Variants in TTLL5 observed in about 807,000 individuals in gnomAD.
The protein encoded by TTLL5 is tubulin polyglutamylase TTLL5.
In TTLL5, 132 loss-of-function variants were observed where a neutral mutation model predicts 168.4. The ratio of observed to expected loss-of-function variants is 0.78; its 90% CI spans 0.68 to 0.91. The LOEUF (loss-of-function observed/expected upper bound fraction) is 0.91. Ranked by LOEUF, TTLL5 falls within the 40% of genes least tolerant of loss-of-function variation. TTLL5 has a pLI of 0.00. For missense variants in TTLL5, 1,545 were observed against 1,581.5 expected (o/e 0.98, Z 0.39); for synonymous variants, 546 against 558.6 (o/e 0.98, Z 0.32).
chr14:75,724,370 A>G (rs1022527503), intron 12 of TTLL5, among the ~76,000 whole-genome samples: 1 of 152,190 alleles, frequency 6.6e-6, no homozygotes, highest in African/African-American at 2.4e-5. Flanking sequence ...GTGTATTACC[A>G]TCAAGTTTGT....
In TTLL5 at chr14:75,766,258, G is replaced by A. The variant is rs941035464; in HGVS notation, c.1905G>A (p.Met635Ile). Reference protein sequence around the residue: ...LVENTPKENSMKVREWNNKGG... With the variant: ...LVENTPKENSIKVREWNNKGG... ...AAAATACACCCAAAGAAAATTCCATGAAAGTTCGTGAATGGAATAATAAAG... is the reference window on the plus strand; with the variant it reads ...AAAATACACCCAAAGAAAATTCCATAAAAGTTCGTGAATGGAATAATAAAG... Residue 635 changes from methionine to isoleucine, a missense_variant, in exon 20 of 32, where the codon ATG becomes ATA. By Grantham distance (10) the Met-to-Ile change is conservative (BLOSUM62 1). Coordinates refer to ENST00000298832, the MANE Select transcript of TTLL5 (RefSeq NM_015072.5). 3.7e-6 allele frequency: 6 copies of A among 1,613,946 alleles called. No homozygotes were observed. In the African/African-American group the frequency reaches 6.7e-5, roughly 18 times the overall value.
At chr14:75,925,141 AC>A (rs1319339606) in intron 31 of TTLL5, among the ~76,000 whole-genome samples, 3 of 115,902 alleles carry the variant, frequency 2.6e-5, no homozygotes, top group African/African-American at 6.9e-5. Flanking sequence ...CGGGTGGCTG[AC>A]CCCCCCACCT....
At chr14:75,706,088 G>A (rs1886642430) in intron 7 of TTLL5, among the ~76,000 whole-genome samples, 2 of 152,086 alleles carry the variant, frequency 1.3e-5, no homozygotes, top group Admixed American at 6.5e-5. Context: ...ACTGGGCTTG[G>A]TGCGTGCCAT....
At chr14:75,863,423 A>G (rs1444966129) in intron 28 of TTLL5, among the ~76,000 whole-genome samples, 1 of 152,142 alleles carries the variant, frequency 6.6e-6, no homozygotes, top group African/African-American at 2.4e-5. Context: ...TTTATTGTAC[A>G]TTGACTGTGT....
chr14:75,840,476 G>C (rs1313632714), intron 28 of TTLL5, among the ~76,000 whole-genome samples: 1 of 151,706 alleles, frequency 6.6e-6, no homozygotes, highest in Non-Finnish European at 1.5e-5. Flanking sequence ...TTAGGAGTGA[G>C]AACATGCGGT....
intron 9 of TTLL5, among the ~76,000 whole-genome samples, chr14:75,715,923 A>AGTTAGATC (rs1160325888): frequency 2.0e-5 from 3 of 152,074 alleles, no homozygotes; most frequent in Non-Finnish European, 4.4e-5. Flanking sequence ...ATGTTGACCA[A>AGTTAGATC]GTTAGATCAA....
intron 31 of TTLL5, among the ~76,000 whole-genome samples, chr14:75,920,440 A>C (rs2140137078): frequency 6.6e-6 from 1 of 151,718 alleles, no homozygotes; most frequent in Admixed American, 6.6e-5. Context: ...GTTCCCCTCG[A>C]CCCCTGTGTC....
intron 12 of TTLL5, 42 bp from the exon 13 acceptor site, chr14:75,732,296 A>T: frequency 6.4e-7 from 1 of 1,574,084 alleles, no homozygotes; most frequent in Non-Finnish European, 8.7e-7. Flanking sequence ...TAGTTGTGAC[A>T]TGGAAAATGA....
At chr14:75,762,645 C>T (rs1566592658) in intron 18 of TTLL5, among the ~76,000 whole-genome samples, 1 of 152,094 alleles carries the variant, frequency 6.6e-6, no homozygotes, top group South Asian at 2.1e-4. Flanking sequence ...TATCCTCTAT[C>T]CCTTGTACTA....
At chr14:75,689,120 A>G (rs1043979315) in intron 5 of TTLL5, among the ~76,000 whole-genome samples, 2 of 152,170 alleles carry the variant, frequency 1.3e-5, no homozygotes, top group Non-Finnish European at 2.9e-5. Context: ...TCTGGGAGAA[A>G]CCAGTTGTCA....
intron 14 of TTLL5, 89 bp from the exon 15 acceptor site, chr14:75,735,106 T>C: frequency 8.4e-7 from 1 of 1,194,732 alleles, no homozygotes; most frequent in Non-Finnish European, 1.2e-6. Context: ...ACAGTGAAAC[T>C]GAGTTTGTGT....
At chr14:75,795,296 A>G (rs956912247) in intron 27 of TTLL5, among the ~76,000 whole-genome samples, 5 of 152,248 alleles carry the variant, frequency 3.3e-5, no homozygotes, top group Admixed American at 3.3e-4. Flanking sequence ...TATTTCAGCC[A>G]TAAAAGGCTT....
chr14:75,793,595 T>C (rs1027891698), intron 27 of TTLL5, among the ~76,000 whole-genome samples: 3 of 152,340 alleles, frequency 2.0e-5, no homozygotes, highest in Admixed American at 2.0e-4. Context: ...TCTCCCCATT[T>C]TACAGATGGG....
At chr14:75,811,820 T>G (rs930254330) in intron 27 of TTLL5, among the ~76,000 whole-genome samples, 1 of 152,190 alleles carries the variant, frequency 6.6e-6, no homozygotes, top group African/African-American at 2.4e-5. Flanking sequence ...GGTGGGTATC[T>G]TCTAAGAATC....
intron 28 of TTLL5, among the ~76,000 whole-genome samples, chr14:75,827,745 A>G (rs1895298426): frequency 1.2e-5 from 1 of 84,814 alleles, no homozygotes; most frequent in Non-Finnish European, 2.1e-5. Flanking sequence ...TTTTGAAACA[A>G]GGTCTCACTC....
At chr14:75,725,793 C>T (rs8015242) in intron 12 of TTLL5, among the ~76,000 whole-genome samples, 114,299 of 152,162 alleles carry the variant, frequency 0.75, 43,214 homozygotes, top group Admixed American at 0.8. Flanking sequence ...TAAGCATACC[C>T]AGTCCTAAAT....
At position 75,820,120 on chromosome 14, in the gene TTLL5, C is replaced by T; in HGVS notation, c.3285C>T (p.Asp1095=). Residue 1095 remains aspartate (D), a synonymous_variant, in exon 28 of 32, where the codon GAC becomes GAT. Transcript: ENST00000298832. ...GCCCGACATGGTCTACACAGTCAGACCCCCAAGCTCCCGAGAATCACTCCA... is the reference window on the plus strand; with the variant it reads ...GCCCGACATGGTCTACACAGTCAGATCCCCAAGCTCCCGAGAATCACTCCA... ...PSGPTWSTQS[D]PQAPENHSSS... 1.2e-6 allele frequency: 2 copies of T among 1,600,998 alleles called. No homozygotes were observed. Among genetic ancestry groups the T allele is most frequent in the Non-Finnish European group, 1.7e-6 (2 of 1,174,358 alleles).
Position 75,745,472 on chromosome 14 carries a change from A to G in TTLL5, c.1396-18A>G, listed in dbSNP as rs1889548818. The G allele has an allele frequency of 1.9e-6, 3 of 1,613,326 alleles. No homozygotes were observed. Among genetic ancestry groups the G allele is most frequent in the Non-Finnish European group, 2.5e-6 (3 of 1,179,342 alleles). ...GGTTTTCAAAATAGGTACTCATTTTATCTTATTTTTCATCTAGATCAAAGT... is the reference window on the plus strand; with the variant it reads ...GGTTTTCAAAATAGGTACTCATTTTGTCTTATTTTTCATCTAGATCAAAGT... On this transcript the variant is annotated intron_variant, in intron 16 of 31. Coordinates refer to ENST00000298832, the MANE Select transcript of TTLL5 (RefSeq NM_015072.5).
chr14:75,893,134 C>T (rs2032483205), intron 30 of TTLL5, among the ~76,000 whole-genome samples: 1 of 152,090 alleles, frequency 6.6e-6, no homozygotes, highest in South Asian at 2.1e-4. Context: ...GATCATGTGT[C>T]TAATAGGAGT....
Sources: gnomAD v4.1 joint callset for allele counts (sites outside exome capture counted in the v4.1 genomes callset) on GRCh38, gnomAD v4.1.1 for gene constraint, MANE v1.5 for transcripts, NCBI Gene and HGNC (gene_info 2026-07-23, HGNC 2026-07-21) for gene names.